MARCHF1: variants seen among roughly 807,000 people sequenced by gnomAD.
MARCHF1 encodes membrane associated ring-CH-type finger 1.
In MARCHF1, 40 loss-of-function variants were observed where a neutral mutation model predicts 54.2. The ratio of observed to expected loss-of-function variants is 0.74; its 90% CI spans 0.57 to 0.96. The LOEUF is 0.96. Among genes scored for constraint, MARCHF1 ranks in the 40% least tolerant of loss-of-function variants. The probability of loss-of-function intolerance (pLI) is 0.00; values close to 1 mark genes in which losing one functional copy is unlikely to be tolerated. For missense variants in MARCHF1, 586 were observed against 656.5 expected, an observed-to-expected ratio of 0.89 and a Z score of 1.17; for synonymous variants, 236 against 236.3, an observed-to-expected ratio of 1.00 and a Z score of 0.01.
intron 4 of MARCHF1, among the ~76,000 whole-genome samples, chr4:163,761,677 G>C (rs760005558): frequency 6.6e-6 from 1 of 152,160 alleles, no homozygotes; most frequent in African/African-American, 2.4e-5. Context: ...GGAACCCACA[G>C]TGAAGGGAAT....
chr4:163,803,691 T>G (rs936478833), intron 4 of MARCHF1, among the ~76,000 whole-genome samples: 2 of 152,178 alleles, frequency 1.3e-5, no homozygotes, highest in Non-Finnish European at 2.9e-5. Flanking sequence ...TTTTTTTCTC[T>G]CACTGTAATG....
intron 3 of MARCHF1, among the ~76,000 whole-genome samples, chr4:163,946,809 T>C (rs1332185944): frequency 6.6e-6 from 1 of 152,214 alleles, no homozygotes; most frequent in Non-Finnish European, 1.5e-5. Flanking sequence ...GTGATTCAAT[T>C]TCCCATTATC....
chr4:163,671,987 A>G (rs537868594), intron 5 of MARCHF1, among the ~76,000 whole-genome samples: 1 of 152,338 alleles, frequency 6.6e-6, no homozygotes, highest in East Asian at 1.9e-4. Flanking sequence ...AGAAAAGATG[A>G]AAATATAACT....
intron 3 of MARCHF1, among the ~76,000 whole-genome samples, chr4:163,918,789 C>T (rs532342595): frequency 2.6e-5 from 4 of 150,972 alleles, no homozygotes; most frequent in African/African-American, 9.7e-5. Flanking sequence ...CAGTTAGGAG[C>T]AAAAAAAATG....
intron 2 of MARCHF1, among the ~76,000 whole-genome samples, chr4:164,031,380 T>G (rs1185213482): frequency 3.9e-5 from 6 of 152,068 alleles, no homozygotes. Context: ...CTCTTCTCTC[T>G]TTTATTCTTT....
At chr4:163,977,440 G>A (rs1752670444) in intron 3 of MARCHF1, among the ~76,000 whole-genome samples, 1 of 152,138 alleles carries the variant, frequency 6.6e-6, no homozygotes, top group African/African-American at 2.4e-5. Context: ...CATCACCTAA[G>A]TGTTAACCAG....
At chr4:163,932,792 G>T in intron 3 of MARCHF1, 1 of 601,976 alleles carries the variant, frequency 1.7e-6, no homozygotes, top group Non-Finnish European at 3.3e-6. Context: ...AGCTGAGATC[G>T]ATCGGCACCA....
chr4:163,769,357 A>T (rs906341941), intron 4 of MARCHF1, among the ~76,000 whole-genome samples: 8 of 152,200 alleles, frequency 5.3e-5, no homozygotes, highest in Non-Finnish European at 1.5e-5. Flanking sequence ...AGATTAGAAG[A>T]AGTAGTATAA....
Position 163,612,918 on chromosome 4 carries a change from C to T in MARCHF1, c.363G>A (p.Arg121=), listed in dbSNP as rs546040018. Residue 121 remains arginine (R), a synonymous_variant, in exon 7 of 10, where the codon AGG becomes AGA. Coordinates refer to ENST00000514618, the MANE Select transcript of MARCHF1 (RefSeq NM_001394959.1). ...KKSVIQRPRR[R]RKASERYEHA... ...GCTCATATCTCTCAGAGGCTTTTCT[C>T]CTCCTCCTAGGTCTTTGTATTACTG... The T allele has an allele frequency of 9.1e-6, 14 of 1,535,386 alleles. No homozygotes were observed. The African/African-American group carries it at 1.9e-4, about 21-fold the overall frequency.
In MARCHF1 at chr4:163,528,773, C is replaced by A. The variant is rs1221709985; in HGVS notation, c.1613G>T (p.Gly538Val). 3 of 1,612,084 alleles carry A rather than the reference C, an allele frequency of 1.9e-6. No individual in the cohort carries two copies. Among genetic ancestry groups the A allele is most frequent in the Non-Finnish European group, 2.5e-6 (3 of 1,178,752 alleles). Residue 538 changes from glycine (G) to valine (V), a missense_variant, in exon 10 of 10, where the codon GGC becomes GTC. By Grantham distance (109) the Gly-to-Val change is moderately radical. Transcript: ENST00000514618. ...GANSLPSAEG[G>V]PPEVVSV The stretch of plus-strand genomic sequence containing the variant: ...TCAGACTGATACAACTTCAGGGGGG[C>A]CACCCTCTGCAGATGGCAGTGAATT...
intron 8 of MARCHF1, among the ~76,000 whole-genome samples, chr4:163,555,632 C>T (rs969688704): frequency 6.6e-6 from 1 of 151,968 alleles, no homozygotes; most frequent in South Asian, 2.1e-4. Flanking sequence ...CATGTTGAAC[C>T]AGCAGAAAAT....
chr4:163,724,621 G>A (rs770225787), intron 4 of MARCHF1, among the ~76,000 whole-genome samples: 2 of 152,198 alleles, frequency 1.3e-5, no homozygotes, highest in Non-Finnish European at 2.9e-5. Flanking sequence ...AGTCTACAAA[G>A]GCGGGCAAGC....
chr4:163,560,202 C>T (rs1340061881), intron 8 of MARCHF1, among the ~76,000 whole-genome samples: 1 of 152,014 alleles, frequency 6.6e-6, no homozygotes, highest in Non-Finnish European at 1.5e-5. Flanking sequence ...TGTTTCTGTT[C>T]TAGGTTTTAT....
chr4:163,875,645 T>C lies in MARCHF1; in HGVS notation c.-38-21476A>G, dbSNP rs139064288. On this transcript the variant is annotated intron_variant, in intron 3 of 9. Coordinates refer to ENST00000514618, the MANE Select transcript of MARCHF1 (RefSeq NM_001394959.1). ...TTTCCCTTTATCATTGGCACTAATG[T>C]ATGAAAAGTGAATCAATTTTTCCAT... is the stretch of plus-strand genomic sequence containing the variant. Among the ~76,000 whole-genome samples the C allele has an allele frequency of 8.5e-5, 13 of 152,316 alleles. No individual in the cohort carries two copies. The East Asian group carries it at 2.3e-3, about 27-fold the overall frequency.
chr4:163,575,227 G>A (rs1408511259), intron 8 of MARCHF1, among the ~76,000 whole-genome samples: 1 of 151,990 alleles, frequency 6.6e-6, no homozygotes. Context: ...AGACTAGTTT[G>A]TTGAGGGTTT....
At chr4:164,100,631 A>C (rs1213474872) in intron 2 of MARCHF1, among the ~76,000 whole-genome samples, 1 of 152,196 alleles carries the variant, frequency 6.6e-6, no homozygotes, top group East Asian at 1.9e-4. Context: ...ATGAATAAAA[A>C]ATGTCTGCCT....
intron 8 of MARCHF1, among the ~76,000 whole-genome samples, chr4:163,579,729 T>C (rs1168279300): frequency 1.3e-5 from 2 of 152,196 alleles, no homozygotes; most frequent in Admixed American, 1.3e-4. Flanking sequence ...GCAAGCATTA[T>C]AGGAAAGCTG....
In MARCHF1 at chr4:163,758,333, G is replaced by C. The variant is rs921634833; in HGVS notation, c.112-57470C>G. On this transcript the variant is annotated intron_variant, in intron 4 of 9. Coordinates refer to ENST00000514618, the MANE Select transcript of MARCHF1 (RefSeq NM_001394959.1). Reference sequence around the variant, plus strand: ...AGTGATTTCCAATCTCACATCTTAGGTGCTTCAGGGGAAGACCAAGACAAT... The same window carrying C: ...AGTGATTTCCAATCTCACATCTTAGCTGCTTCAGGGGAAGACCAAGACAAT... Among the ~76,000 whole-genome samples the C allele has an allele frequency of 5.9e-5, 9 of 152,128 alleles. 1 individual carries two copies. Among genetic ancestry groups the C allele is most frequent in the Admixed American group, 4.6e-4 (7 of 15,272 alleles).
At chr4:163,634,147 A>G (rs1319683388) in intron 5 of MARCHF1, among the ~76,000 whole-genome samples, 1 of 152,218 alleles carries the variant, frequency 6.6e-6, no homozygotes, top group Non-Finnish European at 1.5e-5. Flanking sequence ...AAATCATGCC[A>G]AAATGTAAAG....
Sources: allele counts gnomAD v4.1 joint callset (sites outside exome capture counted in the v4.1 genomes callset), GRCh38; gene constraint gnomAD v4.1.1; transcripts MANE v1.5; gene names NCBI Gene and HGNC (gene_info 2026-07-23, HGNC 2026-07-21).